TRIM24: variants seen among roughly 807,000 people sequenced by gnomAD.
The protein encoded by TRIM24 is transcription intermediary factor 1-alpha.
A neutral mutation model predicts 123.9 loss-of-function variants in TRIM24; 29 were observed. That is an observed-to-expected ratio of 0.23 (90% CI 0.17 to 0.32). TRIM24 has a LOEUF of 0.32. TRIM24 is among the 10% of genes least tolerant of loss of function. The probability of loss-of-function intolerance (pLI) is 1.00; values close to 1 mark genes in which losing one functional copy is unlikely to be tolerated. For missense variants in TRIM24, 932 were observed against 1,295.3 expected (o/e 0.72, Z 4.31); for synonymous variants, 456 against 461.1 (o/e 0.99, Z 0.14).
intron 2 of TRIM24, among the ~76,000 whole-genome samples, chr7:138,509,025 T>A (rs1796228103): frequency 6.6e-6 from 1 of 152,042 alleles, no homozygotes; most frequent in Non-Finnish European, 1.5e-5. Context: ...CTCCGCCCAC[T>A]GCAACCTCCT....
At chr7:138,470,349 T>C (rs1258944574) in intron 1 of TRIM24, among the ~76,000 whole-genome samples, 1 of 152,056 alleles carries the variant, frequency 6.6e-6, no homozygotes, top group Non-Finnish European at 1.5e-5. Context: ...CAGGATGGTC[T>C]CAATCTCTTG....
intron 9 of TRIM24, among the ~76,000 whole-genome samples, chr7:138,564,249 G>T (rs1363268209): frequency 1.3e-5 from 2 of 152,090 alleles, no homozygotes; most frequent in African/African-American, 4.8e-5. Context: ...TCCCTAAGAG[G>T]CATTTGCATA....
intron 6 of TRIM24, among the ~76,000 whole-genome samples, chr7:138,530,864 A>G (rs1164020835): frequency 1.3e-5 from 2 of 152,028 alleles, no homozygotes; most frequent in African/African-American, 2.4e-5. Context: ...GGCTCAAGCA[A>G]TCTTCCCACC....
intron 4 of TRIM24, among the ~76,000 whole-genome samples, chr7:138,524,103 A>G (rs1363011836): frequency 6.6e-6 from 1 of 152,234 alleles, no homozygotes; most frequent in Non-Finnish European, 1.5e-5. Context: ...CTTGCATGTC[A>G]TATTAAAAGA....
At chr7:138,522,932 G>A (rs1584717098) in intron 4 of TRIM24, among the ~76,000 whole-genome samples, 1 of 152,160 alleles carries the variant, frequency 6.6e-6, no homozygotes, top group South Asian at 2.1e-4. Context: ...AAGCCTTGAG[G>A]TTTTTCTTTT....
At chr7:138,476,858 C>T (rs1459755635) in intron 1 of TRIM24, among the ~76,000 whole-genome samples, 1 of 151,956 alleles carries the variant, frequency 6.6e-6, no homozygotes, top group Non-Finnish European at 1.5e-5. Flanking sequence ...TGTTATTTGT[C>T]TGTAGCACTG....
chr7:138,508,700 C>CGCGCGCGTGCGT (rs1182276337), intron 2 of TRIM24, among the ~76,000 whole-genome samples: 1 of 35,510 alleles, frequency 2.8e-5, no homozygotes, highest in African/African-American at 7.3e-5. Flanking sequence ...TGTGCGCGCG[C>CGCGCGCGTGCGT]GTGTGTGCGT....
Position 138,472,658 on chromosome 7 carries a change from GTCT to G in TRIM24, c.364+11751_364+11753del, listed in dbSNP as rs1291752122. Among the ~76,000 whole-genome samples, 3 of 152,172 alleles carry G rather than the reference GTCT, an allele frequency of 2.0e-5. No individual in the cohort carries two copies. The East Asian group carries it at 5.8e-4, about 29-fold the overall frequency. On this transcript the variant is annotated intron_variant, in intron 1 of 18. Transcript: ENST00000343526. ...CATGAATTAACAACGATACCTATCTGTCTTCTTATAGTGCTATCTAGTGCCTTT... is the reference window on the plus strand; with the variant it reads ...CATGAATTAACAACGATACCTATCTGTCTTATAGTGCTATCTAGTGCCTTT...
At position 138,531,692 on chromosome 7, in the gene TRIM24, C is replaced by G. The variant is rs571760270; in HGVS notation, c.996+2462C>G. Among the ~76,000 whole-genome samples, 9 of 152,246 alleles carry G rather than the reference C, an allele frequency of 5.9e-5. No homozygotes were observed. The South Asian group carries it at 1.7e-3, about 28-fold the overall frequency. On this transcript the variant is annotated intron_variant, in intron 6 of 18. Coordinates refer to ENST00000343526, the MANE Select transcript of TRIM24 (RefSeq NM_015905.3). ...GTAATAAACATACGTGTGCATGTGT[C>G]TTTATAGCAGCATGATTTATAATCC...
At chr7:138,579,947 AT>A (rs1797857650) in intron 15 of TRIM24, among the ~76,000 whole-genome samples, 2 of 152,188 alleles carry the variant, frequency 1.3e-5, no homozygotes, top group African/African-American at 4.8e-5. Flanking sequence ...AGAAAAAAAA[AT>A]AACAGGCCCT....
chr7:138,489,623 G>C (rs529895472), intron 1 of TRIM24, among the ~76,000 whole-genome samples: 2 of 152,160 alleles, frequency 1.3e-5, no homozygotes, highest in Non-Finnish European at 1.5e-5. Flanking sequence ...GGTTTGACTG[G>C]ATGTGAAATT....
intron 1 of TRIM24, among the ~76,000 whole-genome samples, chr7:138,463,317 C>T (rs1175755773): frequency 2.6e-5 from 4 of 151,818 alleles, no homozygotes; most frequent in Non-Finnish European, 4.4e-5. Flanking sequence ...AGTGCAGTGG[C>T]ACAATCTCAG....
In TRIM24 at chr7:138,485,073, T is replaced by C. The variant is rs6979474; in HGVS notation, c.365-19217T>C. Among the ~76,000 whole-genome samples the C allele has an allele frequency of 3.0e-3, 452 of 152,258 alleles. 1 individual carries two copies. The highest frequency in any genetic ancestry group is 0.01 in the African/African-American group (419 of 41,586). Reference sequence around the variant, plus strand: ...TGATTTTATAGGCCTTCCCTATTTCTTTCTCTTTCCTCAATATGGATTTTC... The same window carrying C: ...TGATTTTATAGGCCTTCCCTATTTCCTTCTCTTTCCTCAATATGGATTTTC... On this transcript the variant is annotated intron_variant, in intron 1 of 18. Coordinates refer to ENST00000343526, the MANE Select transcript of TRIM24 (RefSeq NM_015905.3).
intron 1 of TRIM24, among the ~76,000 whole-genome samples, chr7:138,470,123 ATTTTTTTTTT>A (rs10542175): frequency 1.6e-4 from 13 of 81,432 alleles, no homozygotes; most frequent in African/African-American, 6.0e-4. Flanking sequence ...TACAAGTATA[ATTTTTTTTTT>A]TTTTTTTTTT....
At chr7:138,482,433 AT>A (rs1484895940) in intron 1 of TRIM24, among the ~76,000 whole-genome samples, 1 of 152,114 alleles carries the variant, frequency 6.6e-6, no homozygotes, top group African/African-American at 2.4e-5. Flanking sequence ...GATAAAAAAA[AT>A]CACTTTGGGG....
chr7:138,575,659 C>T, intron 12 of TRIM24, among the ~76,000 whole-genome samples: 1 of 152,124 alleles, frequency 6.6e-6, no homozygotes, highest in African/African-American at 2.4e-5. Context: ...TGTATTCCTA[C>T]TTGTTACTGT....
At chr7:138,569,157 G>T (rs1052689115) in intron 10 of TRIM24, among the ~76,000 whole-genome samples, 2 of 152,134 alleles carry the variant, frequency 1.3e-5, no homozygotes, top group Non-Finnish European at 2.9e-5. Flanking sequence ...TATAAAATGC[G>T]TATCTTGCAG....
chr7:138,515,914 T>A (rs1027258494), intron 3 of TRIM24, among the ~76,000 whole-genome samples: 1 of 152,216 alleles, frequency 6.6e-6, no homozygotes, highest in African/African-American at 2.4e-5. Context: ...TTCAGTGGTA[T>A]TTATTACATT....
intron 7 of TRIM24, among the ~76,000 whole-genome samples, chr7:138,549,368 C>T (rs1797165191): frequency 6.6e-6 from 1 of 152,116 alleles, no homozygotes; most frequent in African/African-American, 2.4e-5. Context: ...AAATCACCAA[C>T]AATGGAGACT....
Sources: allele counts gnomAD v4.1 joint callset (sites outside exome capture counted in the v4.1 genomes callset), GRCh38; gene constraint gnomAD v4.1.1; transcripts MANE v1.5; gene names NCBI Gene and HGNC (gene_info 2026-07-23, HGNC 2026-07-21).